The following NINL variants were observed in gnomAD, a reference collection of about 807,000 sequenced individuals.
NINL encodes the protein ninein like, also known as ninein-like protein.
NINL carries 153 observed loss-of-function variants against 160.3 expected under a neutral mutation model. The ratio of observed to expected loss-of-function variants is 0.95; its 90% CI spans 0.84 to 1.09. The LOEUF is 1.09. Among genes scored for constraint, NINL ranks in the 50% least tolerant of loss-of-function variants. NINL has a pLI of 0.00. For missense variants in NINL, 1,829 were observed against 1,764.0 expected (o/e 1.04, Z -0.66); for synonymous variants, 800 against 734.8 (o/e 1.09, Z -1.43).
intron 13 of NINL, 24 bp downstream of exon 13, chr20:25,489,220 A>G (rs572821597): frequency 6.2e-7 from 1 of 1,611,806 alleles, no homozygotes; most frequent in East Asian, 2.2e-5. Context: ...ATGAGACTAA[A>G]AGGCAGACAG....
chr20:25,508,161 G>A (rs2063998276), intron 5 of NINL, among the ~76,000 whole-genome samples: 2 of 152,224 alleles, frequency 1.3e-5, no homozygotes, highest in South Asian at 2.1e-4. Context: ...GGAAGCTCAG[G>A]TCAGTTTCCC....
chr20:25,528,358 T>A (rs1327278871), intron 1 of NINL, among the ~76,000 whole-genome samples: 1 of 152,190 alleles, frequency 6.6e-6, no homozygotes, highest in Non-Finnish European at 1.5e-5. Context: ...TGAAAAATAT[T>A]TAATAGAATG....
intron 2 of NINL, 130 bp downstream of exon 2, chr20:25,526,278 A>G: frequency 1.2e-6 from 1 of 818,790 alleles, no homozygotes; most frequent in Non-Finnish European, 2.0e-6. Context: ...AAAAACTAGG[A>G]CACTGTTCCA....
At chr20:25,519,798 C>T (rs543743466) in intron 2 of NINL, among the ~76,000 whole-genome samples, 24 of 151,944 alleles carry the variant, frequency 1.6e-4, no homozygotes, top group African/African-American at 5.5e-4. Context: ...AGGGTGATTG[C>T]TTGAGCTCAG....
intron 1 of NINL, among the ~76,000 whole-genome samples, chr20:25,539,770 A>G (rs2064630323): frequency 6.6e-6 from 1 of 152,152 alleles, no homozygotes; most frequent in Non-Finnish European, 1.5e-5. Context: ...CGCCCACCCA[A>G]AGCCCTCTGT....
At chr20:25,565,119 G>T (rs1216957152) in intron 1 of NINL, among the ~76,000 whole-genome samples, 1 of 152,096 alleles carries the variant, frequency 6.6e-6, no homozygotes, top group Non-Finnish European at 1.5e-5. Context: ...GATGAAGACT[G>T]GAGAATAAAA....
At chr20:25,473,396 G>C (rs895027121) in intron 17 of NINL, among the ~76,000 whole-genome samples, 1 of 151,078 alleles carries the variant, frequency 6.6e-6, no homozygotes, top group East Asian at 1.9e-4. Context: ...CAGAAGGATC[G>C]CTTGAGGCCA....
chr20:25,493,380 G>A (rs923819572), intron 10 of NINL, among the ~76,000 whole-genome samples: 1 of 152,114 alleles, frequency 6.6e-6, no homozygotes, highest in African/African-American at 2.4e-5. Context: ...AACAGGGATA[G>A]GTGGATCCCG....
intron 15 of NINL, among the ~76,000 whole-genome samples, chr20:25,479,629 A>G (rs1045297557): frequency 1.3e-5 from 2 of 152,200 alleles, no homozygotes; most frequent in East Asian, 1.9e-4. Context: ...TCCCCAGGGC[A>G]TGGCCACAGG....
intron 5 of NINL, among the ~76,000 whole-genome samples, chr20:25,508,553 C>T (rs912415050): frequency 6.6e-6 from 1 of 152,252 alleles, no homozygotes; most frequent in African/African-American, 2.4e-5. Flanking sequence ...TGACCCTGCC[C>T]ACACCTCACC....
chr20:25,575,101 A>G (rs1444167181), intron 1 of NINL, among the ~76,000 whole-genome samples: 1 of 152,200 alleles, frequency 6.6e-6, no homozygotes, highest in Non-Finnish European at 1.5e-5. Flanking sequence ...GGCAGTGAAT[A>G]TAGGACTAGC....
intron 9 of NINL, among the ~76,000 whole-genome samples, chr20:25,497,758 C>T (rs1008884373): frequency 2.0e-5 from 3 of 152,306 alleles, no homozygotes; most frequent in Admixed American, 6.5e-5. Flanking sequence ...CGAGAGGCAG[C>T]GGCAGGACCC....
At chr20:25,517,249 C>G (rs771809494) in intron 3 of NINL, among the ~76,000 whole-genome samples, 2 of 152,144 alleles carry the variant, frequency 1.3e-5, no homozygotes, top group East Asian at 1.9e-4. Flanking sequence ...ACACAACACC[C>G]CTGCAAAAGG....
At chr20:25,458,336 C>A in intron 22 of NINL, 47 bp downstream of exon 22, 1 of 1,600,860 alleles carries the variant, frequency 6.2e-7, no homozygotes, top group Non-Finnish European at 8.5e-7. Flanking sequence ...GCCCGCCTCA[C>A]CCTCCTCCTC....
In NINL at chr20:25,509,899, G is replaced by T. The variant is rs190366014; in HGVS notation, c.517+775C>A. Among the ~76,000 whole-genome samples, 479 of 152,342 alleles carry T rather than the reference G, an allele frequency of 3.1e-3. 1 individual carries two copies. The highest frequency in any genetic ancestry group is 0.014 in the Middle Eastern group (4 of 294). ...GAAGTCCTCCCTTCCCAGAGCCTTT[G>T]TTCCTCTCCCCAGGGGGATCCACTG... On this transcript the variant is annotated intron_variant, in intron 5 of 23. Coordinates refer to ENST00000278886, the MANE Select transcript of NINL (RefSeq NM_025176.6).
rs1203326984 is a variant in NINL at position 25,476,103 on chromosome 20, A to T, written c.3188T>A (p.Leu1063Gln). 2 of 1,614,222 alleles carry T rather than the reference A, an allele frequency of 1.2e-6. No homozygotes were observed. Among genetic ancestry groups the T allele is most frequent in the Admixed American group, 3.3e-5 (2 of 60,032 alleles). ...REKDDMETKL[L>Q]HLEDVVRALE... ...AGCCCGGACGACGTCTTCCAGATGT[A>T]GAAGTTTGGTTTCCATGTCATCCTT... The change falls in exon 17 of 24, where the codon CTA (leucine) becomes CAA (glutamine). Residue 1063 changes from leucine to glutamine, a missense_variant. Leu to Gln is a moderately radical substitution (Grantham distance 113). Transcript: ENST00000278886.
chr20:25,578,486 C>G (rs1305657002), intron 1 of NINL, among the ~76,000 whole-genome samples: 1 of 152,022 alleles, frequency 6.6e-6, no homozygotes, highest in East Asian at 1.9e-4. Context: ...GTCCTTAATA[C>G]TCTTGCTTAA....
At chr20:25,476,006 T>G (rs370553919) in intron 17 of NINL, 37 bp downstream of exon 17, 16 of 1,583,296 alleles carry the variant, frequency 1.0e-5, no homozygotes, top group African/African-American at 1.4e-5. Flanking sequence ...ATTTTTAGTT[T>G]GAAGTGTTTA....
At chr20:25,491,968 TG>T (rs1360026816) in intron 10 of NINL, among the ~76,000 whole-genome samples, 4 of 151,628 alleles carry the variant, frequency 2.6e-5, no homozygotes, top group African/African-American at 9.7e-5. Flanking sequence ...GAGGAAGAGG[TG>T]GGGGATATTT....
Sources: gnomAD v4.1 joint callset for allele counts (sites outside exome capture counted in the v4.1 genomes callset) on GRCh38, gnomAD v4.1.1 for gene constraint, MANE v1.5 for transcripts, NCBI Gene and HGNC (gene_info 2026-07-23, HGNC 2026-07-21) for gene names.